CLTC: variants seen among roughly 807,000 people sequenced by gnomAD.
The protein encoded by CLTC is clathrin heavy chain.
CLTC carries 16 observed loss-of-function variants against 195.8 expected under a neutral mutation model. That is an observed-to-expected ratio of 0.08 (90% CI 0.06 to 0.12). The LOEUF (loss-of-function observed/expected upper bound fraction) is 0.12. Ranked by LOEUF, CLTC falls within the 10% of genes least tolerant of loss-of-function variation. CLTC has a pLI of 1.00. For synonymous variants in CLTC, 667 were observed against 689.4 expected, an observed-to-expected ratio of 0.97 and a Z score of 0.51; for missense variants, 796 against 2,027.0, an observed-to-expected ratio of 0.39 and a Z score of 11.66.
In CLTC at chr17:59,682,682, C is replaced by T; in HGVS notation, c.3654C>T (p.Tyr1218=). The T allele has an allele frequency of 1.2e-6, 2 of 1,613,892 alleles. No homozygotes were observed. The highest frequency in any genetic ancestry group is 8.5e-7 in the Non-Finnish European group (1 of 1,179,968). ...TGTATGATGCTGCTAAGTTGTTGTACAATAATGTTTCCAATTTTGGACGTT... is the reference window on the plus strand; with the variant it reads ...TGTATGATGCTGCTAAGTTGTTGTATAATAATGTTTCCAATTTTGGACGTT... ...EKMYDAAKLL[Y]NNVSNFGRLA... is the part of the protein sequence containing the mutation. The change falls in exon 23 of 32, where the codon TAC becomes TAT. Residue 1218 remains tyrosine (Y), a synonymous_variant. Coordinates refer to ENST00000269122, the MANE Select transcript of CLTC (RefSeq NM_004859.4). This position sits in a 1 kb window ranked among gnomAD's most constrained non-coding sequence, Gnocchi z 6.8.
chr17:59,651,677 C>G (rs12939519), intron 5 of CLTC, among the ~76,000 whole-genome samples: 1 of 152,166 alleles, frequency 6.6e-6, no homozygotes, highest in Admixed American at 6.5e-5. Context: ...TTTAAAAATA[C>G]TTTATTGCTA....
In CLTC at chr17:59,685,108, C is replaced by G. The variant is rs2143600686; in HGVS notation, c.4487C>G (p.Ala1496Gly). ...AYDNFDNISL[A>G]QRLEKHELIE... is the part of the protein sequence containing the mutation. ...GACAACTTTGACAATATCTCGCTTG[C>G]TCAGCGTTTGGAAAAACATGAACTC... The change falls in exon 29 of 32, where the codon GCT becomes GGT. Residue 1496 changes from alanine to glycine, a missense_variant. Coordinates refer to ENST00000269122, the MANE Select transcript of CLTC (RefSeq NM_004859.4). The surrounding 1 kb of genome is among the most constrained non-coding windows in gnomAD (Gnocchi z 5.0). 6.2e-7 allele frequency: 1 copy of G among 1,608,798 alleles called. No homozygotes were observed. The highest frequency in any genetic ancestry group is 1.1e-5 in the South Asian group (1 of 90,500).
chr17:59,659,545 G>T (rs1412692385), intron 6 of CLTC, among the ~76,000 whole-genome samples: 2 of 150,938 alleles, frequency 1.3e-5, no homozygotes, highest in Non-Finnish European at 2.9e-5. Flanking sequence ...CTGCCTCCTG[G>T]GTTCAAGCGA....
intron 6 of CLTC, among the ~76,000 whole-genome samples, chr17:59,659,916 A>G (rs1302819242): frequency 6.6e-6 from 1 of 152,202 alleles, no homozygotes; most frequent in Non-Finnish European, 1.5e-5. Context: ...AAAGGAGTAT[A>G]CCTTAAACAA....
Position 59,682,666 on chromosome 17 carries a change from C to T in CLTC, c.3638C>T (p.Ala1213Val). 1 of 1,613,858 alleles carries T rather than the reference C, an allele frequency of 6.2e-7. No individual in the cohort carries two copies. The highest frequency in any genetic ancestry group is 8.5e-7 in the Non-Finnish European group (1 of 1,179,974). Residue 1213 changes from alanine to valine, a missense_variant, in exon 23 of 32, where the codon GCT becomes GTT. Physicochemically the swap from Ala to Val is moderately conservative, Grantham distance 64 (BLOSUM62 0). Transcript: ENST00000269122. This position sits in a 1 kb window ranked among gnomAD's most constrained non-coding sequence, Gnocchi z 6.8. ...TGTTATGATGAAAAAATGTATGATG[C>T]TGCTAAGTTGTTGTACAATAATGTT... is the stretch of plus-strand genomic sequence containing the variant. ...DRCYDEKMYD[A>V]AKLLYNNVSN...
intron 4 of CLTC, among the ~76,000 whole-genome samples, chr17:59,650,483 C>CTTTTT (rs35425747): frequency 8.6e-5 from 10 of 116,856 alleles, no homozygotes; most frequent in Non-Finnish European, 1.2e-4. Flanking sequence ...ATTCAGATGA[C>CTTTTT]TTTTTTTTTT....
In CLTC at chr17:59,653,869, T is replaced by G. The variant is rs567946993; in HGVS notation, c.796-1985T>G. ...CTCACTGCAATCTCTGCCTCCTGGA[T>G]TCAAGCGATTCTCATGCCTCAGCCT... On this transcript the variant is annotated intron_variant, in intron 5 of 31. Transcript: ENST00000269122. Among the ~76,000 whole-genome samples the G allele has an allele frequency of 2.4e-4, 36 of 151,616 alleles. No homozygotes were observed. In the South Asian group the frequency reaches 7.1e-3, roughly 30 times the overall value.
At position 59,663,694 on chromosome 17, in the gene CLTC, A is replaced by G. The variant is rs567076283; in HGVS notation, c.1369-148A>G. The G allele has an allele frequency of 1.6e-3, 969 of 601,622 alleles. 18 individuals carry two copies. The highest frequency in any genetic ancestry group is 8.9e-3 in the South Asian group (349 of 39,424). The allele number at this position is 601,622 out of a possible 1,614,324, so 37.3% of individuals were successfully genotyped here. A position where few individuals can be genotyped will look rare whatever the true frequency, so the allele number is the denominator to read the frequency against. On this transcript the variant is annotated intron_variant, in intron 8 of 31. Transcript: ENST00000269122. Reference sequence around the variant, plus strand: ...GCTGTGAACACAAGATTAAGAGTCTACCAACCACAACCCCTGCATATTTAT... The same window carrying G: ...GCTGTGAACACAAGATTAAGAGTCTGCCAACCACAACCCCTGCATATTTAT...
intron 2 of CLTC, among the ~76,000 whole-genome samples, 192 bp downstream of exon 2, chr17:59,644,675 C>T (rs1280774658): frequency 4.6e-5 from 7 of 151,998 alleles, no homozygotes; most frequent in South Asian, 2.1e-4. Context: ...CTCAGCCTCC[C>T]GAGTTGCTGG....
At chr17:59,630,294 G>A (rs893087671) in intron 1 of CLTC, among the ~76,000 whole-genome samples, 30 of 152,136 alleles carry the variant, frequency 2.0e-4, no homozygotes, top group Non-Finnish European at 3.7e-4. Context: ...GAGCCACTGT[G>A]CCTGGCCTAA....
At position 59,679,446 on chromosome 17, in the gene CLTC, G is replaced by A. The variant is rs774841659; in HGVS notation, c.2846G>A (p.Arg949His). 9.3e-6 allele frequency: 15 copies of A among 1,609,098 alleles called. No individual in the cohort carries two copies. Among genetic ancestry groups the A allele is most frequent in the East Asian group, 2.2e-5 (1 of 44,746 alleles). ...AAAAGTCTTTCTCGCTACCTGGTAC[G>A]TCGAAAGGATCCAGAATTGTGGGGC... Reference protein sequence around the residue: ...LFKSLSRYLVRRKDPELWGSV... With the variant: ...LFKSLSRYLVHRKDPELWGSV... Residue 949 changes from arginine to histidine, a missense_variant, in exon 18 of 32, where the codon CGT becomes CAT. Physicochemically the swap from Arg to His is conservative, Grantham distance 29. This residue lies in a region of CLTC where 160 missense variants were observed against 448.2 expected (regional missense o/e 0.36). Transcript: ENST00000269122.
intron 16 of CLTC, among the ~76,000 whole-genome samples, chr17:59,675,409 A>G (rs1370911408): frequency 6.6e-6 from 1 of 152,186 alleles, no homozygotes; most frequent in Non-Finnish European, 1.5e-5. Context: ...CTGAGGAACT[A>G]GTGTTTAGGA....
intron 1 of CLTC, among the ~76,000 whole-genome samples, chr17:59,629,291 T>G (rs1376693789): frequency 6.6e-6 from 1 of 152,118 alleles, no homozygotes; most frequent in African/African-American, 2.4e-5. Flanking sequence ...TTACTGAATC[T>G]CCATAGTATT....
intron 6 of CLTC, among the ~76,000 whole-genome samples, chr17:59,659,222 A>G (rs2032550009): frequency 6.6e-6 from 1 of 152,132 alleles, no homozygotes; most frequent in Non-Finnish European, 1.5e-5. Flanking sequence ...TAATATGAGT[A>G]GTTTATAAGC....
chr17:59,629,518 A>AT (rs5821273), intron 1 of CLTC, among the ~76,000 whole-genome samples: 21,663 of 126,006 alleles, frequency 0.17, 3,173 homozygotes, highest in East Asian at 0.43. Flanking sequence ...AGAGATCATA[A>AT]TTTTTTTTTT....
chr17:59,652,593 A>G (rs944576789), intron 5 of CLTC, among the ~76,000 whole-genome samples: 1 of 152,196 alleles, frequency 6.6e-6, no homozygotes, highest in Admixed American at 6.5e-5. Flanking sequence ...ATTGTCGATG[A>G]GCAGTAACAT....
chr17:59,667,855 A>G (rs1488613183), intron 13 of CLTC, among the ~76,000 whole-genome samples: 4 of 152,128 alleles, frequency 2.6e-5, no homozygotes, highest in Non-Finnish European at 4.4e-5. Flanking sequence ...CTGGTCCCCA[A>G]CTGCCTTTCT....
At chr17:59,661,824 C>T (rs917504840) in intron 8 of CLTC, among the ~76,000 whole-genome samples, 181 bp downstream of exon 8, 2 of 151,890 alleles carry the variant, frequency 1.3e-5, no homozygotes, top group African/African-American at 4.8e-5. Context: ...ATTTTTTCGC[C>T]GGGCATGGTG....
intron 1 of CLTC, among the ~76,000 whole-genome samples, chr17:59,642,318 C>T (rs1354803592): frequency 6.6e-6 from 1 of 152,164 alleles, no homozygotes; most frequent in African/African-American, 2.4e-5. Context: ...ACTATTTTTA[C>T]TCCGACTTCC....
Sources: allele counts gnomAD v4.1 joint callset (sites outside exome capture counted in the v4.1 genomes callset), GRCh38; gene constraint gnomAD v4.1.1; regional missense constraint gnomAD v4.1.1; non-coding constraint Gnocchi (gnomAD v3.1); transcripts MANE v1.5; gene names NCBI Gene and HGNC (gene_info 2026-07-23, HGNC 2026-07-21).